TENM3: variants seen among roughly 807,000 people sequenced by gnomAD.
TENM3 encodes teneurin-3.
In TENM3, 63 loss-of-function variants were observed where a neutral mutation model predicts 255.1. The ratio of observed to expected loss-of-function variants is 0.25; its 90% CI spans 0.20 to 0.30. TENM3 has a LOEUF of 0.30. TENM3 is among the 10% of genes least tolerant of loss of function. The pLI is 1.00. For missense variants in TENM3, 2,929 were observed against 3,461.1 expected (o/e 0.85, Z 3.86); for synonymous variants, 1,306 against 1,322.3 (o/e 0.99, Z 0.27).
intron 1 of TENM3, among the ~76,000 whole-genome samples, chr4:182,292,134 C>G (rs1324817416): frequency 6.6e-6 from 1 of 152,146 alleles, no homozygotes; most frequent in Non-Finnish European, 1.5e-5. Context: ...CAATTTGGCA[C>G]TGCTATATTT....
rs118102117 is a variant in TENM3 at position 182,364,726 on chromosome 4, C to T, written c.511+17797C>T. 8.9e-3 allele frequency among the ~76,000 whole-genome samples: 1,359 copies of T among 152,276 alleles called. 17 individuals are homozygous for T. The highest frequency in any genetic ancestry group is 0.066 in the East Asian group (341 of 5,174). On this transcript the variant is annotated intron_variant, in intron 3 of 27. Coordinates refer to ENST00000511685, the MANE Select transcript of TENM3 (RefSeq NM_001080477.4). Reference sequence around the variant, plus strand: ...GAGCCACCGCGCCCAGCCCCAACTTCAGTTTTCACCTAAGTTTCCACATGC... The same window carrying T: ...GAGCCACCGCGCCCAGCCCCAACTTTAGTTTTCACCTAAGTTTCCACATGC...
At chr4:182,385,446 G>A (rs757921483) in intron 3 of TENM3, among the ~76,000 whole-genome samples, 4 of 151,914 alleles carry the variant, frequency 2.6e-5, no homozygotes, top group Non-Finnish European at 5.9e-5. Flanking sequence ...TGTATTTTTA[G>A]TAGAGACAGG....
chr4:181,847,578 A>G, the TENM3 span, among the ~76,000 whole-genome samples: 3 of 152,066 alleles, frequency 2.0e-5, no homozygotes, highest in South Asian at 6.2e-4. Flanking sequence ...ATAACATATT[A>G]TATAACATAT....
intron 19 of TENM3, among the ~76,000 whole-genome samples, chr4:182,747,060 G>A (rs1278852646): frequency 2.6e-5 from 4 of 152,062 alleles, no homozygotes; most frequent in African/African-American, 4.8e-5. Context: ...CCTTCCTGGC[G>A]TGCTCCTTAT....
At chr4:182,565,593 T>A (rs1743699324) in intron 3 of TENM3, among the ~76,000 whole-genome samples, 1 of 152,192 alleles carries the variant, frequency 6.6e-6, no homozygotes, top group South Asian at 2.1e-4. Context: ...AATGATCATT[T>A]ACCAGTATGT....
chr4:181,634,243 G>T, the TENM3 span, among the ~76,000 whole-genome samples: 2 of 152,006 alleles, frequency 1.3e-5, no homozygotes, highest in Non-Finnish European at 2.9e-5. Context: ...TTTGCCATTT[G>T]CTCCTTGAAA....
chr4:181,656,772 A>G, the TENM3 span, among the ~76,000 whole-genome samples: 1 of 152,062 alleles, frequency 6.6e-6, no homozygotes, highest in Non-Finnish European at 1.5e-5. Flanking sequence ...GACAAAGAAG[A>G]GTTGCCAGGA....
chr4:181,920,325 G>A, the TENM3 span, among the ~76,000 whole-genome samples: 1 of 151,808 alleles, frequency 6.6e-6, no homozygotes, highest in African/African-American at 2.4e-5. Context: ...TTCCACAATG[G>A]TTGAACTAGT....
At chr4:181,957,465 G>A in the TENM3 span, among the ~76,000 whole-genome samples, 2 of 152,142 alleles carry the variant, frequency 1.3e-5, no homozygotes, top group African/African-American at 4.8e-5. Flanking sequence ...AAGAATCACA[G>A]GGTGAATTTT....
the TENM3 span, among the ~76,000 whole-genome samples, chr4:181,560,786 G>A: frequency 6.6e-6 from 1 of 152,106 alleles, no homozygotes; most frequent in Non-Finnish European, 1.5e-5. Flanking sequence ...GGCGTGCCCA[G>A]CACCCCGCCT....
intron 2 of TENM3, among the ~76,000 whole-genome samples, chr4:182,342,502 G>T (rs1425266727): frequency 6.6e-6 from 1 of 152,052 alleles, no homozygotes; most frequent in Non-Finnish European, 1.5e-5. Context: ...GCTGATAATT[G>T]GTATAAGGTG....
intron 3 of TENM3, among the ~76,000 whole-genome samples, chr4:182,592,011 C>G (rs1363793672): frequency 6.6e-6 from 1 of 151,890 alleles, no homozygotes; most frequent in African/African-American, 2.4e-5. Context: ...GAAATAATGA[C>G]TACTAAATGT....
chr4:181,951,227 C>T, the TENM3 span, among the ~76,000 whole-genome samples: 2 of 152,194 alleles, frequency 1.3e-5, no homozygotes, highest in Non-Finnish European at 2.9e-5. Context: ...GAAGCCCACA[C>T]ACATTTTTTT....
chr4:181,590,041 C>T, the TENM3 span, among the ~76,000 whole-genome samples: 16 of 152,100 alleles, frequency 1.1e-4, no homozygotes, highest in Admixed American at 3.9e-4. Flanking sequence ...TCAAATCCTG[C>T]AAATGTTATA....
At chr4:181,963,591 C>T in the TENM3 span, among the ~76,000 whole-genome samples, 3 of 152,070 alleles carry the variant, frequency 2.0e-5, no homozygotes, top group Non-Finnish European at 4.4e-5. Context: ...GGAATTTTTG[C>T]GTGTATGAGG....
chr4:182,386,427 G>C (rs1767918632), intron 3 of TENM3, among the ~76,000 whole-genome samples: 1 of 152,204 alleles, frequency 6.6e-6, no homozygotes, highest in African/African-American at 2.4e-5. Context: ...GCTTGCTCTC[G>C]GCGCCTCCTC....
chr4:181,486,119 A>C, the TENM3 span, among the ~76,000 whole-genome samples: 1 of 152,298 alleles, frequency 6.6e-6, no homozygotes, highest in Non-Finnish European at 1.5e-5. Context: ...CACCAGATTC[A>C]CACTTCACCA....
chr4:181,490,054 T>G, the TENM3 span, among the ~76,000 whole-genome samples: 3 of 152,210 alleles, frequency 2.0e-5, no homozygotes, highest in Admixed American at 6.6e-5. Flanking sequence ...AAATACATAT[T>G]AGTTGTACCT....
At chr4:182,211,177 G>C (rs1755012776) in intron 1 of TENM3, among the ~76,000 whole-genome samples, 1 of 152,240 alleles carries the variant, frequency 6.6e-6, no homozygotes, top group South Asian at 2.1e-4. Context: ...AACCAGGATT[G>C]TTTTTAAGAG....
Sources: gnomAD v4.1 joint callset for allele counts (sites outside exome capture counted in the v4.1 genomes callset) on GRCh38, gnomAD v4.1.1 for gene constraint, MANE v1.5 for transcripts, NCBI Gene and HGNC (gene_info 2026-07-23, HGNC 2026-07-21) for gene names.